CACNA2D1: variants seen among roughly 807,000 people sequenced by gnomAD.
CACNA2D1 encodes the protein voltage-dependent calcium channel subunit alpha-2/delta-1.
CACNA2D1 carries 53 observed loss-of-function variants against 171.5 expected under a neutral mutation model. The ratio of observed to expected loss-of-function variants is 0.31; its 90% confidence interval spans 0.25 to 0.39. CACNA2D1 has a LOEUF of 0.39. Among genes scored for constraint, CACNA2D1 ranks in the 10% least tolerant of loss-of-function variants. The pLI, the probability that CACNA2D1 is intolerant of heterozygous loss-of-function variation, is 1.00. For missense variants in CACNA2D1, 903 were observed against 1,299.8 expected, an observed-to-expected ratio of 0.69 and a Z score of 4.69; for synonymous variants, 442 against 443.1, an observed-to-expected ratio of 1.00 and a Z score of 0.03.
At chr7:82,399,596 A>C (rs1826127492) in intron 1 of CACNA2D1, among the ~76,000 whole-genome samples, 1 of 152,120 alleles carries the variant, frequency 6.6e-6, no homozygotes, top group African/African-American at 2.4e-5. Flanking sequence ...GCAGACAGGG[A>C]GACTGGCGAA....
intron 3 of CACNA2D1, among the ~76,000 whole-genome samples, chr7:82,258,538 A>G (rs2129327507): frequency 6.6e-6 from 1 of 152,246 alleles, no homozygotes; most frequent in African/African-American, 2.4e-5. Flanking sequence ...CCAGTTCATA[A>G]CCACTAGTAC....
intron 6 of CACNA2D1, among the ~76,000 whole-genome samples, chr7:82,100,553 G>A (rs1812552725): frequency 6.6e-6 from 1 of 152,084 alleles, no homozygotes; most frequent in African/African-American, 2.4e-5. Context: ...TGAAATAAAT[G>A]CTATCAACGT....
chr7:82,413,403 TC>T (rs879851621), intron 1 of CACNA2D1, among the ~76,000 whole-genome samples: 30 of 152,238 alleles, frequency 2.0e-4, no homozygotes, highest in Non-Finnish European at 4.3e-4. Flanking sequence ...TTCAGAGTCT[TC>T]CCACCTCTGC....
At chr7:82,367,672 A>G (rs1295656437) in intron 1 of CACNA2D1, among the ~76,000 whole-genome samples, 1 of 152,200 alleles carries the variant, frequency 6.6e-6, no homozygotes, top group African/African-American at 2.4e-5. Context: ...TTGCCTAGAT[A>G]AATATTAAAT....
intron 4 of CACNA2D1, among the ~76,000 whole-genome samples, chr7:82,156,624 T>C (rs940143847): frequency 3.0e-5 from 4 of 132,580 alleles, no homozygotes; most frequent in African/African-American, 1.2e-4. Flanking sequence ...TTTAGTATAA[T>C]AGTAAATAAA....
intron 3 of CACNA2D1, among the ~76,000 whole-genome samples, chr7:82,234,111 A>G (rs1803268975): frequency 6.6e-6 from 1 of 152,056 alleles, no homozygotes; most frequent in African/African-American, 2.4e-5. Flanking sequence ...ACACTAAACA[A>G]AGGAGAAAAA....
chr7:82,097,046 T>C (rs1224531238), intron 6 of CACNA2D1, among the ~76,000 whole-genome samples: 4 of 151,994 alleles, frequency 2.6e-5, no homozygotes, highest in African/African-American at 9.6e-5. Context: ...TCACAAAAGA[T>C]TTTCTGAAAG....
At chr7:82,150,609 A>C (rs1224772731) in intron 4 of CACNA2D1, among the ~76,000 whole-genome samples, 1 of 152,122 alleles carries the variant, frequency 6.6e-6, no homozygotes, top group Non-Finnish European at 1.5e-5. Flanking sequence ...AACATCCACA[A>C]ACTAACCTAA....
intron 1 of CACNA2D1, among the ~76,000 whole-genome samples, chr7:82,391,435 C>T (rs1370900266): frequency 6.6e-6 from 1 of 152,178 alleles, no homozygotes; most frequent in Admixed American, 6.5e-5. Flanking sequence ...AAATCAGAAG[C>T]TCAGATTACC....
intron 3 of CACNA2D1, among the ~76,000 whole-genome samples, chr7:82,212,677 C>T (rs539876288): frequency 6.6e-6 from 1 of 152,180 alleles, no homozygotes; most frequent in South Asian, 2.1e-4. Context: ...AGCCATTTGC[C>T]CTTTAGACTT....
chr7:82,427,133 A>G (rs1158290225), intron 1 of CACNA2D1, among the ~76,000 whole-genome samples: 1 of 152,180 alleles, frequency 6.6e-6, no homozygotes, highest in Non-Finnish European at 1.5e-5. Context: ...ACTTATCTGT[A>G]CTTGATAAGT....
At chr7:82,388,979 G>A (rs1824757693) in intron 1 of CACNA2D1, among the ~76,000 whole-genome samples, 1 of 151,794 alleles carries the variant, frequency 6.6e-6, no homozygotes, top group East Asian at 1.9e-4. Flanking sequence ...AGCTGGGCAT[G>A]GTGGCACACA....
chr7:82,197,773 A>G (rs969206359), intron 3 of CACNA2D1, among the ~76,000 whole-genome samples: 2 of 151,348 alleles, frequency 1.3e-5, no homozygotes, highest in Admixed American at 6.6e-5. Context: ...AATTAAGCAT[A>G]TATTTTCTCC....
intron 3 of CACNA2D1, among the ~76,000 whole-genome samples, chr7:82,184,068 T>C (rs528196613): frequency 6.6e-6 from 1 of 150,746 alleles, no homozygotes; most frequent in Non-Finnish European, 1.5e-5. Context: ...GCCAATTCAG[T>C]GAGTAGGATG....
intron 29 of CACNA2D1, 140 bp from the exon 30 acceptor site, chr7:81,967,803 C>T (rs989579882): frequency 2.7e-5 from 16 of 586,296 alleles, no homozygotes; most frequent in Admixed American, 5.8e-5. Context: ...AGAAATAATG[C>T]TAATAGCTCT....
chr7:82,192,460 TTGTGTG>T (rs200160135), intron 3 of CACNA2D1, among the ~76,000 whole-genome samples: 7,299 of 136,484 alleles, frequency 0.053, 205 homozygotes, highest in South Asian at 0.078. Context: ...GTGTTTGTGT[TTGTGTG>T]TGTGTGTGTG....
At chr7:82,416,397 G>C (rs1047000966) in intron 1 of CACNA2D1, among the ~76,000 whole-genome samples, 1 of 152,018 alleles carries the variant, frequency 6.6e-6, no homozygotes, top group African/African-American at 2.4e-5. Context: ...GTTTGCTCAG[G>C]CTACCATAAC....
intron 3 of CACNA2D1, among the ~76,000 whole-genome samples, chr7:82,228,105 T>G (rs1322636569): frequency 1.3e-5 from 2 of 152,100 alleles, no homozygotes; most frequent in Non-Finnish European, 2.9e-5. Context: ...TCCTAATCAG[T>G]TGATATTGAG....
intron 35 of CACNA2D1, 130 bp downstream of exon 35, chr7:81,962,310 C>T (rs1363530470): frequency 1.3e-6 from 1 of 785,286 alleles, no homozygotes; most frequent in African/African-American, 1.8e-5. Flanking sequence ...GTTTCTAGCT[C>T]TAAAATTATG....
Sources: gnomAD v4.1 joint callset for allele counts (sites outside exome capture counted in the v4.1 genomes callset) on GRCh38, gnomAD v4.1.1 for gene constraint, MANE v1.5 for transcripts, NCBI Gene and HGNC (gene_info 2026-07-23, HGNC 2026-07-21) for gene names.